The following PDCD1LG2 variants were observed in gnomAD, a reference collection of about 807,000 sequenced individuals.
The protein encoded by PDCD1LG2 is B7 dendritic cell molecule.
Under a neutral mutation model 28.2 loss-of-function variants are expected in PDCD1LG2, and 32 were observed. That is an observed-to-expected ratio of 1.13 (90% CI 0.86 to 1.52). The LOEUF (loss-of-function observed/expected upper bound fraction) is 1.52. Among genes scored for constraint, PDCD1LG2 ranks in the 40% most tolerant of loss-of-function variants. The probability of loss-of-function intolerance (pLI) is 0.00; values close to 1 mark genes in which losing one functional copy is unlikely to be tolerated. For synonymous variants in PDCD1LG2, 116 were observed against 120.2 expected, an observed-to-expected ratio of 0.97 and a Z score of 0.23; for missense variants, 385 against 323.8, an observed-to-expected ratio of 1.19 and a Z score of -1.45.
intron 1 of PDCD1LG2, among the ~76,000 whole-genome samples, chr9:5,518,500 G>A (rs192529295): frequency 6.6e-5 from 10 of 152,346 alleles, no homozygotes; most frequent in Admixed American, 3.3e-4. Context: ...AGGCCTGTTG[G>A]TGCAGCTTAA....
At position 5,570,694 on chromosome 9, in the gene PDCD1LG2, T is replaced by C. The variant is rs1249762409; in HGVS notation, c.*735T>C. 8.6e-6 allele frequency: 2 copies of C among 232,106 alleles called. No individual in the cohort carries two copies. Among genetic ancestry groups the C allele is most frequent in the Admixed American group, 1.1e-4 (2 of 17,752 alleles). The allele number at this position is 232,106 out of a possible 1,614,324, so 14.4% of individuals were successfully genotyped here. A position where few individuals can be genotyped will look rare whatever the true frequency, so the allele number is the denominator to read the frequency against. ...TTTAAAAATTATTGGTTTCTTTTTA[T>C]TTGTTTTTACCTTAGAAATCAATTA... On this transcript the variant is annotated 3_prime_UTR_variant, in exon 7 of 7. Coordinates refer to ENST00000397747, the MANE Select transcript of PDCD1LG2 (RefSeq NM_025239.4).
Position 5,557,696 on chromosome 9 carries a change from T to C in PDCD1LG2, c.710T>C (p.Ile237Thr). Residue 237 changes from isoleucine to threonine, a missense_variant, in exon 5 of 7, where the codon ATA becomes ACA. By Grantham distance (89) the Ile-to-Thr change is moderately conservative. Transcript: ENST00000397747. ...TTCTGCATCATTGCTTTCATTTTCA[T>C]AGCCACAGTGATAGCCCTAAGAAAA... is the stretch of plus-strand genomic sequence containing the variant. ...IPFCIIAFIF[I>T]ATVIALRKQL... 6.2e-7 allele frequency: 1 copy of C among 1,613,892 alleles called. No individual in the cohort carries two copies. The highest frequency in any genetic ancestry group is 2.2e-5 in the East Asian group (1 of 44,878).
chr9:5,568,266 A>C (rs1035828845), intron 6 of PDCD1LG2, among the ~76,000 whole-genome samples: 2 of 152,236 alleles, frequency 1.3e-5, no homozygotes, highest in African/African-American at 4.8e-5. Flanking sequence ...GACCGGTACC[A>C]GTGGCCTGTT....
intron 1 of PDCD1LG2, among the ~76,000 whole-genome samples, chr9:5,515,848 G>A (rs1179263833): frequency 9.7e-5 from 14 of 144,458 alleles, no homozygotes; most frequent in African/African-American, 1.6e-4. Flanking sequence ...ACTTGAACCC[G>A]GGAGGCGGAG....
chr9:5,529,561 A>G (rs941684895), intron 2 of PDCD1LG2, among the ~76,000 whole-genome samples: 5 of 151,858 alleles, frequency 3.3e-5, no homozygotes, highest in African/African-American at 1.2e-4. Flanking sequence ...TTACATTTTT[A>G]TTTCAAAATC....
intron 6 of PDCD1LG2, among the ~76,000 whole-genome samples, chr9:5,566,631 T>C (rs548553243): frequency 3.9e-5 from 6 of 152,336 alleles, no homozygotes; most frequent in Middle Eastern, 3.4e-3. Flanking sequence ...TGACCCTCAA[T>C]GTACATGGAA....
At chr9:5,558,070 G>A (rs190927688) in intron 5 of PDCD1LG2, among the ~76,000 whole-genome samples, 17 of 152,280 alleles carry the variant, frequency 1.1e-4, no homozygotes, top group East Asian at 1.9e-4. Flanking sequence ...AGAGAGCTAC[G>A]TGCTCCGATT....
chr9:5,543,504 A>C (rs960581773), intron 3 of PDCD1LG2, among the ~76,000 whole-genome samples: 1 of 142,598 alleles, frequency 7.0e-6, no homozygotes, highest in Non-Finnish European at 1.5e-5. Context: ...GCACCACTGC[A>C]CTCCAGCCTG....
chr9:5,549,595 G>C lies in PDCD1LG2; in HGVS notation c.622G>C (p.Asp208His), dbSNP rs1180861597. Residue 208 changes from aspartate (D) to histidine (H), a missense_variant, in exon 4 of 7, where the codon GAC becomes CAC. Physicochemically the swap from Asp to His is moderately conservative, Grantham distance 81. Transcript: ENST00000397747. ...HVRELTLASI[D>H]LQSQMEPRTH... Reference sequence around the variant, plus strand: ...GAGGGAACTTACTTTGGCCAGCATTGACCTTCAAAGTAAGAGCTGCCCCCA... The same window carrying C: ...GAGGGAACTTACTTTGGCCAGCATTCACCTTCAAAGTAAGAGCTGCCCCCA... 1.2e-6 allele frequency: 2 copies of C among 1,614,120 alleles called. No homozygotes were observed. Among genetic ancestry groups the C allele is most frequent in the East Asian group, 4.5e-5 (2 of 44,888 alleles).
intron 5 of PDCD1LG2, among the ~76,000 whole-genome samples, chr9:5,560,345 G>C (rs1478316504): frequency 3.3e-5 from 5 of 152,226 alleles, no homozygotes; most frequent in Non-Finnish European, 7.3e-5. Flanking sequence ...TAGGCAGCTA[G>C]GTTAGTCCTC....
chr9:5,524,037 T>C lies in PDCD1LG2; in HGVS notation c.55+1436T>C, dbSNP rs537225857. Reference sequence around the variant, plus strand: ...ACTAGCTCCCAGTTAGGTATACTAATGGGGCAAAAGGAAGAGCATTTACAT... The same window carrying C: ...ACTAGCTCCCAGTTAGGTATACTAACGGGGCAAAAGGAAGAGCATTTACAT... On this transcript the variant is annotated intron_variant, in intron 2 of 6. Transcript: ENST00000397747. Among the ~76,000 whole-genome samples the C allele has an allele frequency of 3.3e-5, 5 of 152,318 alleles. No homozygotes were observed. In the East Asian group the frequency reaches 9.6e-4, roughly 29 times the overall value.
intron 3 of PDCD1LG2, among the ~76,000 whole-genome samples, chr9:5,536,323 C>T (rs1036004866): frequency 3.1e-4 from 47 of 152,076 alleles, no homozygotes; most frequent in Non-Finnish European, 5.7e-4. Context: ...TAATAAGTGT[C>T]CAGAGACTTG....
intron 1 of PDCD1LG2, among the ~76,000 whole-genome samples, chr9:5,520,128 TA>T (rs898362505): frequency 1.9e-4 from 28 of 151,128 alleles, no homozygotes; most frequent in African/African-American, 5.3e-4. Flanking sequence ...AATAGCCCCC[TA>T]AAAAAAAATC....
intron 5 of PDCD1LG2, among the ~76,000 whole-genome samples, chr9:5,559,938 G>A (rs999935041): frequency 2.6e-5 from 4 of 152,072 alleles, no homozygotes; most frequent in South Asian, 2.1e-4. Flanking sequence ...TTTCAATTCC[G>A]AGTTTTCTCA....
chr9:5,516,770 G>A (rs1820173535), intron 1 of PDCD1LG2, among the ~76,000 whole-genome samples: 1 of 152,252 alleles, frequency 6.6e-6, no homozygotes, highest in African/African-American at 2.4e-5. Flanking sequence ...GGTTGTGACA[G>A]CACCTAGGCT....
chr9:5,564,604 C>T (rs1403890935), intron 6 of PDCD1LG2, among the ~76,000 whole-genome samples: 1 of 152,208 alleles, frequency 6.6e-6, no homozygotes, highest in African/African-American at 2.4e-5. Flanking sequence ...CATACCACTG[C>T]CAGATCTAAT....
chr9:5,523,037 A>T (rs1003140452), intron 2 of PDCD1LG2, among the ~76,000 whole-genome samples: 27 of 152,184 alleles, frequency 1.8e-4, no homozygotes, highest in African/African-American at 6.5e-4. Context: ...TCTGCATATT[A>T]TTAGTTGTTT....
intron 5 of PDCD1LG2, among the ~76,000 whole-genome samples, chr9:5,562,914 C>A (rs897766451): frequency 2.6e-5 from 4 of 152,204 alleles, no homozygotes; most frequent in African/African-American, 9.7e-5. Context: ...GTCCCTCAGC[C>A]TTTAAGTGCC....
At chr9:5,555,021 A>G (rs1178584367) in intron 4 of PDCD1LG2, among the ~76,000 whole-genome samples, 10 of 151,910 alleles carry the variant, frequency 6.6e-5, no homozygotes, top group South Asian at 2.1e-4. Flanking sequence ...AAAAAATGGT[A>G]TATCTAGCAA....
Sources: allele counts gnomAD v4.1 joint callset (sites outside exome capture counted in the v4.1 genomes callset), GRCh38; gene constraint gnomAD v4.1.1; transcripts MANE v1.5; gene names NCBI Gene and HGNC (gene_info 2026-07-23, HGNC 2026-07-21).